Variants in GEM observed in about 807,000 individuals in gnomAD.
The protein encoded by GEM is GTP-binding protein GEM.
Under a neutral mutation model 33.0 loss-of-function variants are expected in GEM, and 31 were observed. The observed-to-expected ratio is 0.94, with a 90% CI of 0.71 to 1.27. The LOEUF (loss-of-function observed/expected upper bound fraction) is 1.27, where lower values mean the gene tolerates loss of function less well. Ranked by LOEUF, GEM falls within the 50% of genes most tolerant of loss-of-function variation. The pLI is 0.00. For synonymous variants in GEM, 141 were observed against 143.7 expected (o/e 0.98, Z 0.13); for missense variants, 354 against 390.5 (o/e 0.91, Z 0.79).
At chr8:94,253,337 A>T (rs1483309307) in intron 2 of GEM, among the ~76,000 whole-genome samples, 1 of 152,226 alleles carries the variant, frequency 6.6e-6, no homozygotes, top group South Asian at 2.1e-4. Flanking sequence ...TCTCTCGAAC[A>T]TGTGTCACTA....
chr8:94,251,396 T>C (rs1173780877), intron 4 of GEM, among the ~76,000 whole-genome samples: 1 of 152,144 alleles, frequency 6.6e-6, no homozygotes, highest in Non-Finnish European at 1.5e-5. Flanking sequence ...TCAGGTGTCT[T>C]TCCTCCTGAG....
intron 2 of GEM, among the ~76,000 whole-genome samples, chr8:94,255,382 G>T (rs190922528): frequency 1.6e-3 from 244 of 152,222 alleles, no homozygotes; most frequent in African/African-American, 5.2e-3. Context: ...TGAAAATTAC[G>T]GTGTTGGAGG....
rs1436519424 is a variant in GEM, at chr8:94,250,270, A to T, written c.*40T>A. 6.5e-7 allele frequency: 1 copy of T among 1,536,270 alleles called. No homozygotes were observed. Among genetic ancestry groups the T allele is most frequent in the African/African-American group, 1.4e-5 (1 of 72,690 alleles). On this transcript the variant is annotated 3_prime_UTR_variant, in exon 5 of 5. Transcript: ENST00000297596. ...AGATTATTGGTCCCAATGGCCTTCA[A>T]CAACGGCCATCAAAGGGACATCTGG...
chr8:94,261,662 T>G (rs1037751528), intron 1 of GEM, among the ~76,000 whole-genome samples: 1 of 152,160 alleles, frequency 6.6e-6, no homozygotes, highest in Non-Finnish European at 1.5e-5. Context: ...CATTCTCAGA[T>G]CCCCTTCTTG....
intron 2 of GEM, among the ~76,000 whole-genome samples, chr8:94,256,923 A>G (rs1352045566): frequency 6.6e-6 from 1 of 152,150 alleles, no homozygotes; most frequent in East Asian, 1.9e-4. Flanking sequence ...CCCCAATTAC[A>G]CTAATGAGGC....
chr8:94,254,269 C>T (rs1808839952), intron 2 of GEM, among the ~76,000 whole-genome samples: 1 of 152,218 alleles, frequency 6.6e-6, no homozygotes, highest in African/African-American at 2.4e-5. Context: ...TGCATCTATG[C>T]TGTTTACTGT....
Position 94,250,427 on chromosome 8 carries a change from C to G in GEM, c.774G>C (p.Arg258Ser). 2 of 1,614,222 alleles carry G rather than the reference C, an allele frequency of 1.2e-6. No individual in the cohort carries two copies. The highest frequency in any genetic ancestry group is 2.2e-5 in the South Asian group (2 of 91,084). Residue 258 changes from arginine (R) to serine (S), a missense_variant, in exon 5 of 5, where the codon AGG becomes AGC. Arg to Ser is a moderately radical substitution (Grantham distance 110). Transcript: ENST00000297596. Reference sequence around the variant, plus strand: ...TGGCTTTCCTGGGCATGCTCTCCTTCCTTTTCTGGTAGGCCAGCCGCCGTT... The same window carrying G: ...TGGCTTTCCTGGGCATGCTCTCCTTGCTTTTCTGGTAGGCCAGCCGCCGTT... ...KNERRLAYQK[R>S]KESMPRKARR... is the part of the protein sequence containing the mutation.
At chr8:94,251,331 G>A (rs991328423) in intron 4 of GEM, among the ~76,000 whole-genome samples, 7 of 152,160 alleles carry the variant, frequency 4.6e-5, no homozygotes, top group Admixed American at 2.0e-4. Flanking sequence ...GATTACTGTA[G>A]ACAGTTGTGT....
At position 94,250,472 on chromosome 8, in the gene GEM, C is replaced by T; in HGVS notation, c.729G>A (p.Arg243=). 1.9e-6 allele frequency: 3 copies of T among 1,614,226 alleles called. No individual in the cohort carries two copies. Among genetic ancestry groups the T allele is most frequent in the Non-Finnish European group, 2.5e-6 (3 of 1,180,046 alleles). Residue 243 remains arginine, a synonymous_variant, in exon 5 of 5, where the codon CGG becomes CGA. Transcript: ENST00000297596. Reference sequence around the variant, plus strand: ...GCCGTTCATTCTTCTCCTTGCTGTCCCGCCGAAGGCGCACCTGTCGCACAA... The same window carrying T: ...GCCGTTCATTCTTCTCCTTGCTGTCTCGCCGAAGGCGCACCTGTCGCACAA... ...EGIVRQVRLR[R]DSKEKNERRL...
intron 4 of GEM, 33 bp downstream of exon 4, chr8:94,251,986 T>C (rs1363341184): frequency 2.7e-6 from 4 of 1,488,738 alleles, no homozygotes; most frequent in South Asian, 1.1e-5. Flanking sequence ...GATCCAGCGA[T>C]TGTTTCTACA....
Position 94,249,615 on chromosome 8 carries a change from G to A in GEM, c.*695C>T, listed in dbSNP as rs1004389462. The A allele has an allele frequency of 6.6e-6, 1 of 151,946 alleles. No individual in the cohort carries two copies. Among genetic ancestry groups the A allele is most frequent in the South Asian group, 2.1e-4 (1 of 4,826 alleles). 9.4% of individuals were successfully genotyped at this position (151,946 alleles called of 1,614,324 possible). ...CAAAAATAATAAAACATAAAAGGTG[G>A]TTTGACTAAATAGAATCTGATTCAA... is the stretch of plus-strand genomic sequence containing the variant. On this transcript the variant is annotated 3_prime_UTR_variant, in exon 5 of 5. Transcript: ENST00000297596.
At chr8:94,251,038 T>C (rs149536744) in intron 4 of GEM, among the ~76,000 whole-genome samples, 14 of 152,274 alleles carry the variant, frequency 9.2e-5, no homozygotes, top group Non-Finnish European at 1.9e-4. Flanking sequence ...ACACAGCCTG[T>C]AAGTGGCAGT....
At position 94,254,422 on chromosome 8, in the gene GEM, G is replaced by A. The variant is rs117625663; in HGVS notation, c.332-1310C>T. On this transcript the variant is annotated intron_variant, in intron 2 of 4. Transcript: ENST00000297596. ...TCCCTTATGAACTCTGGGGGTCTACGCAACTTAGGCTCTCTGAGCCTCAGT... is the reference window on the plus strand; with the variant it reads ...TCCCTTATGAACTCTGGGGGTCTACACAACTTAGGCTCTCTGAGCCTCAGT... 1.5e-3 allele frequency among the ~76,000 whole-genome samples: 225 copies of A among 152,210 alleles called. 2 individuals are homozygous for A. The East Asian group carries it at 0.029, about 19-fold the overall frequency.
intron 2 of GEM, among the ~76,000 whole-genome samples, chr8:94,259,473 T>C (rs972200904): frequency 6.6e-6 from 1 of 152,190 alleles, no homozygotes; most frequent in Admixed American, 6.5e-5. Flanking sequence ...ATCAGGATCC[T>C]CATATTACTT....
Position 94,252,227 on chromosome 8 carries a change from A to G in GEM, c.409-4T>C, listed in dbSNP as rs752869542. ...CATGGAGCCATTCATTTTCCCCCTA[A>G]TGAAACAATAAGATCTTCTGTGAGT... On this transcript the variant is annotated splice_polypyrimidine_tract_variant and splice_region_variant and intron_variant, in intron 3 of 4. Coordinates refer to ENST00000297596, the MANE Select transcript of GEM (RefSeq NM_005261.4). 3.1e-6 allele frequency: 5 copies of G among 1,590,700 alleles called. No homozygotes were observed. Among genetic ancestry groups the G allele is most frequent in the Non-Finnish European group, 4.3e-6 (5 of 1,161,204 alleles).
At position 94,260,479 on chromosome 8, in the gene GEM, G is replaced by A. The variant is rs777960854; in HGVS notation, c.25C>T (p.Arg9Cys). 1.7e-5 allele frequency: 28 copies of A among 1,606,516 alleles called. No individual in the cohort carries two copies. The highest frequency in any genetic ancestry group is 4.4e-5 in the South Asian group (4 of 90,770). ...GGCTGCATGCCCACAGTGCCCTGGC[G>A]CATGGTGACATTATTCAGAGTCATC... MTLNNVTM[R>C]QGTVGMQPQQ... Residue 9 changes from arginine (R) to cysteine (C), a missense_variant, in exon 2 of 5, where the codon CGC becomes TGC. Coordinates refer to ENST00000297596, the MANE Select transcript of GEM (RefSeq NM_005261.4).
intron 4 of GEM, 100 bp from the exon 5 acceptor site, chr8:94,250,687 T>A: frequency 1.1e-6 from 1 of 924,562 alleles, no homozygotes; most frequent in African/African-American, 1.7e-5. Context: ...AAGTCAGCTG[T>A]ATATGCAGTG....
intron 2 of GEM, among the ~76,000 whole-genome samples, chr8:94,258,826 T>C (rs1808953736): frequency 6.6e-6 from 1 of 152,142 alleles, no homozygotes; most frequent in Non-Finnish European, 1.5e-5. Flanking sequence ...CCTTATTGGG[T>C]GATTCTGGAT....
chr8:94,257,014 C>T (rs1808904317), intron 2 of GEM, among the ~76,000 whole-genome samples: 2 of 152,138 alleles, frequency 1.3e-5, no homozygotes, highest in Admixed American at 6.5e-5. Flanking sequence ...ATCATCAAAC[C>T]CCAAGCCCAA....
Sources: allele counts gnomAD v4.1 joint callset (sites outside exome capture counted in the v4.1 genomes callset), GRCh38; gene constraint gnomAD v4.1.1; transcripts MANE v1.5; gene names NCBI Gene and HGNC (gene_info 2026-07-23, HGNC 2026-07-21).